The following CFAP36 variants were observed in gnomAD, a reference collection of about 807,000 sequenced individuals.
CFAP36 encodes cilia and flagella associated protein 36, also known as cilia- and flagella-associated protein 36.
In CFAP36, 37 loss-of-function variants were observed where a neutral mutation model predicts 50.5. That is an observed-to-expected ratio of 0.73 (90% CI 0.56 to 0.96). The LOEUF (loss-of-function observed/expected upper bound fraction) is 0.96, where lower values mean the gene tolerates loss of function less well. CFAP36 is among the 50% of genes least tolerant of loss of function. The pLI is 0.00. For missense variants in CFAP36, 407 were observed against 396.2 expected (o/e 1.03, Z -0.23); for synonymous variants, 138 against 128.2 (o/e 1.08, Z -0.52).
chr2:55,540,221 A>G (rs1230012266), intron 7 of CFAP36, among the ~76,000 whole-genome samples: 1 of 152,118 alleles, frequency 6.6e-6, no homozygotes, highest in Non-Finnish European at 1.5e-5. Context: ...GGTCACCTAA[A>G]TTTCCTCCTA....
intron 4 of CFAP36, among the ~76,000 whole-genome samples, chr2:55,530,802 C>T (rs1383320363): frequency 1.3e-5 from 2 of 152,176 alleles, no homozygotes; most frequent in Admixed American, 6.5e-5. Flanking sequence ...TTTTTTACCA[C>T]GGCCCATAAC....
intron 2 of CFAP36, among the ~76,000 whole-genome samples, 190 bp downstream of exon 2, chr2:55,522,356 C>G (rs17278051): frequency 0.021 from 3,175 of 152,246 alleles, 56 homozygotes; most frequent in Admixed American, 0.065. Flanking sequence ...GACTTATCTC[C>G]TCTACTCTAA....
rs78063471 is a variant in CFAP36 at position 55,531,502 on chromosome 2, G to A, written c.398-2371G>A. ...AGAAGTCCAGAGGAAGGGAGAGAAG[G>A]AAGACAGGTTCGGGATTGGTTAATT... On this transcript the variant is annotated intron_variant, in intron 4 of 9. Coordinates refer to ENST00000349456, the MANE Select transcript of CFAP36 (RefSeq NM_080667.7). 2.8e-4 allele frequency among the ~76,000 whole-genome samples: 43 copies of A among 152,290 alleles called. No individual in the cohort carries two copies. In the East Asian group the frequency reaches 7.7e-3, roughly 27 times the overall value.
intron 5 of CFAP36, among the ~76,000 whole-genome samples, chr2:55,534,350 G>T (rs1684425977): frequency 6.6e-6 from 1 of 152,180 alleles, no homozygotes; most frequent in South Asian, 2.1e-4. Context: ...ATGGTAGGAG[G>T]CTGGGCATCC....
chr2:55,538,753 T>G, intron 7 of CFAP36: 1 of 1,545,230 alleles, frequency 6.5e-7, no homozygotes, highest in Non-Finnish European at 8.7e-7. Context: ...CTTCTTTTTT[T>G]TTTTTTTAAA....
chr2:55,544,365 T>C lies in CFAP36; in HGVS notation c.923T>C (p.Val308Ala), dbSNP rs1196311266. The change falls in exon 9 of 10, where the codon GTA (valine) becomes GCA (alanine). Residue 308 changes from valine (V) to alanine (A), a missense_variant. Physicochemically the swap from Val to Ala is moderately conservative, Grantham distance 64. Coordinates refer to ENST00000349456, the MANE Select transcript of CFAP36 (RefSeq NM_080667.7). ...CAGAAAGGAAAACCCACTGGGGAGG[T>C]AGAGGTATGGCTAGCCTTAATATGT... ...MEQKGKPTGE[V>A]EEMTEKPEMT... The C allele has an allele frequency of 3.1e-6, 5 of 1,610,012 alleles. No individual in the cohort carries two copies. The Admixed American group carries it at 6.8e-5, about 22-fold the overall frequency.
At chr2:55,535,997 C>T in intron 6 of CFAP36, 2 of 731,910 alleles carry the variant, frequency 2.7e-6, no homozygotes, top group Non-Finnish European at 3.8e-6. Context: ...ACAAACACCA[C>T]ATAGTACTAA....
chr2:55,542,165 TTG>T (rs1222679065), intron 7 of CFAP36, among the ~76,000 whole-genome samples: 1 of 152,226 alleles, frequency 6.6e-6, no homozygotes, highest in African/African-American at 2.4e-5. Context: ...TATTTAAATC[TTG>T]TGTCTAACAT....
intron 1 of CFAP36, among the ~76,000 whole-genome samples, chr2:55,521,203 T>C (rs1283552137): frequency 1.1e-5 from 1 of 89,640 alleles, no homozygotes; most frequent in African/African-American, 4.3e-5. Context: ...TTGTACTCCT[T>C]TTTTTTTTTT....
intron 7 of CFAP36, chr2:55,539,359 A>T (rs905951659): frequency 2.6e-5 from 4 of 152,312 alleles, no homozygotes; most frequent in African/African-American, 9.6e-5. Context: ...TATAGTTGAA[A>T]TCATACAGTA....
intron 7 of CFAP36, chr2:55,539,618 G>C (rs1054910764): frequency 1.6e-4 from 25 of 152,214 alleles, no homozygotes; most frequent in African/African-American, 5.3e-4. Context: ...ATAGCTTTCA[G>C]CTCCTTTGGG....
chr2:55,525,536 T>G (rs1684184145), intron 3 of CFAP36, among the ~76,000 whole-genome samples: 2 of 152,212 alleles, frequency 1.3e-5, no homozygotes, highest in African/African-American at 4.8e-5. Context: ...GTAAGAATTG[T>G]TTAAGATGAG....
intron 1 of CFAP36, 57 bp downstream of exon 1, chr2:55,519,973 G>A (rs1684013563): frequency 4.6e-6 from 7 of 1,532,916 alleles, no homozygotes; most frequent in Non-Finnish European, 6.3e-6. Flanking sequence ...CCAGCGGCGG[G>A]CAGGGGGTTG....
At chr2:55,532,826 G>A (rs900483881) in intron 4 of CFAP36, among the ~76,000 whole-genome samples, 5 of 152,236 alleles carry the variant, frequency 3.3e-5, no homozygotes, top group Admixed American at 6.5e-5. Context: ...CTAATGTTGT[G>A]GAATGTAATA....
rs766764767 is a variant in CFAP36 at position 55,523,734 on chromosome 2, TAGA to T, written c.197_199del (p.Glu66del). ...TTGTTTTTTTAGGTTGAAAAGCTGT[TAGA>T]AGGTTACCTCAAAGAAATTGGAATT... On this transcript the variant is annotated inframe_deletion, in exon 3 of 10. Transcript: ENST00000349456. The T allele has an allele frequency of 4.4e-6, 7 of 1,603,946 alleles. 1 individual carries two copies. The South Asian group carries it at 5.6e-5, about 13-fold the overall frequency.
intron 4 of CFAP36, among the ~76,000 whole-genome samples, chr2:55,529,804 T>C (rs1469919739): frequency 2.0e-5 from 3 of 151,916 alleles, no homozygotes; most frequent in Non-Finnish European, 4.4e-5. Flanking sequence ...CTGCCACCAC[T>C]CCGGGCTAAT....
intron 1 of CFAP36, among the ~76,000 whole-genome samples, chr2:55,521,103 T>G (rs567462080): frequency 5.0e-4 from 76 of 152,224 alleles, no homozygotes; most frequent in Non-Finnish European, 9.0e-4. Context: ...TACATTTTCA[T>G]TGCTATAATC....
intron 1 of CFAP36, 24 bp downstream of exon 1, chr2:55,519,940 C>T: frequency 6.2e-7 from 1 of 1,604,430 alleles, no homozygotes; most frequent in Non-Finnish European, 8.5e-7. Flanking sequence ...CCCGAACCGA[C>T]AATCCTTTTC....
intron 1 of CFAP36, chr2:55,520,311 A>G: frequency 9.1e-7 from 1 of 1,099,230 alleles, no homozygotes; most frequent in South Asian, 1.7e-5. Context: ...TGAGAGGAGA[A>G]GCGTCGGTTT....
Sources: allele counts gnomAD v4.1 joint callset (sites outside exome capture counted in the v4.1 genomes callset), GRCh38; gene constraint gnomAD v4.1.1; transcripts MANE v1.5; gene names NCBI Gene and HGNC (gene_info 2026-07-23, HGNC 2026-07-21).